Variants in DLG5 observed in about 807,000 individuals in gnomAD.
The protein encoded by DLG5 is disks large homolog 5.
DLG5 carries 48 observed loss-of-function variants against 189.8 expected under a neutral mutation model. The observed-to-expected ratio is 0.25, with a 90% CI of 0.20 to 0.32. The LOEUF (loss-of-function observed/expected upper bound fraction) is 0.32, where lower values mean the gene tolerates loss of function less well. DLG5 is among the 10% of genes least tolerant of loss of function. The pLI, the probability that DLG5 is intolerant of heterozygous loss-of-function variation, is 1.00. For synonymous variants in DLG5, 1,016 were observed against 1,054.1 expected (o/e 0.96, Z 0.70); for missense variants, 2,160 against 2,544.7 (o/e 0.85, Z 3.25).
chr10:77,898,961 A>G (rs1330848624), intron 1 of DLG5, among the ~76,000 whole-genome samples: 1 of 152,202 alleles, frequency 6.6e-6, no homozygotes, highest in African/African-American at 2.4e-5. Flanking sequence ...TCAACTAGCC[A>G]GTGCTGGAAA....
intron 2 of DLG5, among the ~76,000 whole-genome samples, chr10:77,865,688 C>T (rs956836609): frequency 2.0e-5 from 3 of 152,130 alleles, no homozygotes; most frequent in Non-Finnish European, 4.4e-5. Context: ...CAGGCAGATC[C>T]ACCAGGTAGG....
intron 20 of DLG5, among the ~76,000 whole-genome samples, chr10:77,813,985 T>C (rs983758411): frequency 6.6e-6 from 1 of 152,102 alleles, no homozygotes; most frequent in African/African-American, 2.4e-5. Context: ...TTTTTTTCTT[T>C]CTTTTTTTTT....
At chr10:77,827,505 C>T (rs1327388067) in intron 13 of DLG5, among the ~76,000 whole-genome samples, 2 of 152,158 alleles carry the variant, frequency 1.3e-5, no homozygotes, top group Admixed American at 6.5e-5. Flanking sequence ...TGATTACGGG[C>T]GTGAGCCACC....
chr10:77,841,431 C>T (rs1564536960), intron 7 of DLG5, among the ~76,000 whole-genome samples: 3 of 152,218 alleles, frequency 2.0e-5, no homozygotes, highest in Admixed American at 1.3e-4. Context: ...CAAGAGCAGA[C>T]TCGTGAGATG....
chr10:77,892,175 C>T (rs1476362453), intron 1 of DLG5, among the ~76,000 whole-genome samples: 1 of 152,248 alleles, frequency 6.6e-6, no homozygotes, highest in Non-Finnish European at 1.5e-5. Flanking sequence ...CGCACCCAGT[C>T]CTGGCTCTGA....
chr10:77,933,486 G>T, the DLG5 span, among the ~76,000 whole-genome samples: 1 of 151,904 alleles, frequency 6.6e-6, no homozygotes, highest in Non-Finnish European at 1.5e-5. Context: ...TACAGATGGG[G>T]TTTCACCATG....
intron 14 of DLG5, 140 bp from the exon 15 acceptor site, chr10:77,822,241 T>C: frequency 1.1e-6 from 1 of 877,964 alleles, no homozygotes; most frequent in East Asian, 2.6e-5. Context: ...TAGACAGAGA[T>C]GCACACACAC....
intron 2 of DLG5, among the ~76,000 whole-genome samples, chr10:77,859,617 G>T (rs1168884635): frequency 1.3e-5 from 2 of 152,226 alleles, no homozygotes; most frequent in Non-Finnish European, 2.9e-5. Context: ...AGGCCATATC[G>T]TGTAGCCTAG....
Position 77,811,914 on chromosome 10 carries a change from C to A in DLG5, c.4322+10G>T, listed in dbSNP as rs1216926442. ...CCCAGCCCAGACGGCCCTGGGAGGC[C>A]CGCACTCACCTGGACCGGGAGTGGC... is the stretch of plus-strand genomic sequence containing the variant. On this transcript the variant is annotated intron_variant, in intron 22 of 31. Transcript: ENST00000372391. 2 of 1,602,134 alleles carry A rather than the reference C, an allele frequency of 1.2e-6. No individual in the cohort carries two copies. Among genetic ancestry groups the A allele is most frequent in the Non-Finnish European group, 1.7e-6 (2 of 1,179,240 alleles).
intron 5 of DLG5, among the ~76,000 whole-genome samples, chr10:77,848,046 G>A (rs1843781341): frequency 6.6e-6 from 1 of 152,188 alleles, no homozygotes; most frequent in Non-Finnish European, 1.5e-5. Context: ...GCAGTCTTTA[G>A]AGATGATGTC....
chr10:77,904,266 T>C (rs148168203), intron 1 of DLG5, among the ~76,000 whole-genome samples: 1,745 of 152,272 alleles, frequency 0.011, 29 homozygotes, highest in African/African-American at 0.039. Context: ...CCTTTTGCCC[T>C]CCACCACGAT....
At chr10:77,871,031 G>A (rs745608855) in intron 1 of DLG5, among the ~76,000 whole-genome samples, 14 of 152,220 alleles carry the variant, frequency 9.2e-5, no homozygotes, top group South Asian at 2.1e-4. Flanking sequence ...TAGGACAGGC[G>A]TGACCGGCAA....
intron 1 of DLG5, among the ~76,000 whole-genome samples, chr10:77,923,806 C>T (rs1005999305): frequency 7.2e-5 from 11 of 152,338 alleles, no homozygotes; most frequent in South Asian, 2.1e-4. Flanking sequence ...CACACCATGT[C>T]ACCCTCTTCC....
intron 1 of DLG5, among the ~76,000 whole-genome samples, chr10:77,872,030 G>T (rs1400306927): frequency 6.6e-6 from 1 of 152,032 alleles, no homozygotes; most frequent in Non-Finnish European, 1.5e-5. Flanking sequence ...TTTTCTTTAT[G>T]GGGGCAAGGA....
At position 77,822,920 on chromosome 10, in the gene DLG5, G is replaced by A. The variant is rs189651830; in HGVS notation, c.2383-819C>T. The stretch of plus-strand genomic sequence containing the variant: ...AAGGATCAGTTGTTGCCAGGGGCTT[G>A]CATAAATATGGGGAGCATAGGGAAT... On this transcript the variant is annotated intron_variant, in intron 14 of 31. Coordinates refer to ENST00000372391, the MANE Select transcript of DLG5 (RefSeq NM_004747.4). 4.6e-5 allele frequency among the ~76,000 whole-genome samples: 7 copies of A among 152,286 alleles called. No individual in the cohort carries two copies. The East Asian group carries it at 7.7e-4, about 17-fold the overall frequency.
rs886942440 is a variant in DLG5 at position 77,853,379 on chromosome 10, C to A, written c.839G>T (p.Gly280Val). ...RLHEEDQKEI[G>V]DLRAQQQQVL... ...CTGCTGCTGCTGGGCACGGAGGTCA[C>A]CGATCTCCTTCTGGTCCTCCTCGTG... Residue 280 changes from glycine (G) to valine (V), a missense_variant, in exon 5 of 32, where the codon GGT becomes GTT. Coordinates refer to ENST00000372391, the MANE Select transcript of DLG5 (RefSeq NM_004747.4). 6.3e-7 allele frequency: 1 copy of A among 1,586,222 alleles called. No individual in the cohort carries two copies. Among genetic ancestry groups the A allele is most frequent in the Admixed American group, 1.7e-5 (1 of 57,276 alleles).
intron 1 of DLG5, among the ~76,000 whole-genome samples, chr10:77,909,406 A>G (rs1846152337): frequency 6.6e-6 from 1 of 152,162 alleles, no homozygotes. Context: ...CCTAATGTAG[A>G]TGACGGGTTG....
At chr10:77,885,182 A>C (rs1845401980) in intron 1 of DLG5, among the ~76,000 whole-genome samples, 1 of 152,168 alleles carries the variant, frequency 6.6e-6, no homozygotes, top group Non-Finnish European at 1.5e-5. Flanking sequence ...CAGTACATTC[A>C]AGTGCTCACA....
intron 1 of DLG5, among the ~76,000 whole-genome samples, chr10:77,880,872 T>A (rs1052635850): frequency 6.7e-6 from 1 of 149,962 alleles, no homozygotes; most frequent in Non-Finnish European, 1.5e-5. Flanking sequence ...AAATGTAGGC[T>A]CAGAGAAGCC....
Sources: gnomAD v4.1 joint callset for allele counts (sites outside exome capture counted in the v4.1 genomes callset) on GRCh38, gnomAD v4.1.1 for gene constraint, MANE v1.5 for transcripts, NCBI Gene and HGNC (gene_info 2026-07-23, HGNC 2026-07-21) for gene names.